Variants in ITPR2 observed in about 807,000 individuals in gnomAD.
The protein encoded by ITPR2 is inositol 1,4,5-trisphosphate receptor type 2.
A neutral mutation model predicts 317.1 loss-of-function variants in ITPR2; 207 were observed. That is an observed-to-expected ratio of 0.65 (90% CI 0.58 to 0.73). The LOEUF (loss-of-function observed/expected upper bound fraction) is 0.73, where lower values mean the gene tolerates loss of function less well. Ranked by LOEUF, ITPR2 falls within the 30% of genes least tolerant of loss-of-function variation. The pLI is 0.00. For missense variants in ITPR2, 2,613 were observed against 3,284.0 expected, an observed-to-expected ratio of 0.80 and a Z score of 4.99; for synonymous variants, 1,156 against 1,149.1, an observed-to-expected ratio of 1.01 and a Z score of -0.12.
At chr12:26,609,823 A>T (rs1460992679) in intron 26 of ITPR2, among the ~76,000 whole-genome samples, 1 of 152,220 alleles carries the variant, frequency 6.6e-6, no homozygotes, top group East Asian at 1.9e-4. Flanking sequence ...ATTATAACCA[A>T]ATAGGATAAG....
chr12:26,824,589 T>C (rs970782272), intron 1 of ITPR2, among the ~76,000 whole-genome samples: 7 of 152,334 alleles, frequency 4.6e-5, no homozygotes, highest in Admixed American at 3.3e-4. Context: ...AATGTAAATA[T>C]TGTTGATTAA....
intron 2 of ITPR2, among the ~76,000 whole-genome samples, chr12:26,742,151 A>G (rs1949241100): frequency 6.6e-6 from 1 of 152,224 alleles, no homozygotes; most frequent in African/African-American, 2.4e-5. Flanking sequence ...GGTATTTACC[A>G]AAGAGAAATG....
chr12:26,560,805 A>G (rs1337117079), intron 35 of ITPR2, among the ~76,000 whole-genome samples: 1 of 152,208 alleles, frequency 6.6e-6, no homozygotes, highest in Non-Finnish European at 1.5e-5. Context: ...CTAATCCCGT[A>G]TAACACTCAT....
chr12:26,589,853 T>C (rs11048600), intron 32 of ITPR2, among the ~76,000 whole-genome samples: 7,371 of 58,000 alleles, frequency 0.13, 999 homozygotes, highest in East Asian at 0.36. Flanking sequence ...TATATATATA[T>C]ACACACACAC....
intron 37 of ITPR2, among the ~76,000 whole-genome samples, chr12:26,541,435 A>G (rs1165373223): frequency 1.3e-5 from 2 of 152,240 alleles, no homozygotes; most frequent in Non-Finnish European, 2.9e-5. Flanking sequence ...ACATTAGAGC[A>G]CTTATATTAC....
chr12:26,725,626 G>T, intron 3 of ITPR2, 24 bp downstream of exon 3: 1 of 1,513,170 alleles, frequency 6.6e-7, no homozygotes. Context: ...GCCTAAGCCA[G>T]ACAATTGGAA....
chr12:26,539,353 C>T (rs981587057), intron 37 of ITPR2, among the ~76,000 whole-genome samples: 7 of 152,232 alleles, frequency 4.6e-5, no homozygotes, highest in African/African-American at 1.4e-4. Flanking sequence ...GTTCATGTGA[C>T]TGGACCTTGG....
chr12:26,688,178 G>A (rs1450072694), intron 10 of ITPR2, among the ~76,000 whole-genome samples: 5 of 152,026 alleles, frequency 3.3e-5, no homozygotes. Flanking sequence ...TGCGACTACA[G>A]ACGTGTGCCA....
intron 45 of ITPR2, among the ~76,000 whole-genome samples, chr12:26,455,719 A>T (rs1941865365): frequency 6.6e-6 from 1 of 152,204 alleles, no homozygotes; most frequent in Admixed American, 6.5e-5. Flanking sequence ...CATTTGGAAA[A>T]ACTTATTGTC....
intron 2 of ITPR2, among the ~76,000 whole-genome samples, chr12:26,740,291 G>T (rs1949207729): frequency 6.6e-6 from 1 of 152,160 alleles, no homozygotes; most frequent in Admixed American, 6.5e-5. Context: ...AGACTACTGA[G>T]CATTGAGATG....
In ITPR2 at chr12:26,831,672, A is replaced by ATTTATT. The variant is rs1270623294; in HGVS notation, c.92+1017_92+1018insAATAAA. ...ATTTAACCATTTGGCACACTGTTTT[A>ATTTATT]TATATAAATATATATATATATTCTA... On this transcript the variant is annotated intron_variant, in intron 1 of 56. Transcript: ENST00000381340. The surrounding 1 kb of genome is among the most constrained non-coding windows in gnomAD (Gnocchi z 4.9). Among the ~76,000 whole-genome samples, 3 of 140,622 alleles carry ATTTATT rather than the reference A, an allele frequency of 2.1e-5. No homozygotes were observed. The highest frequency in any genetic ancestry group is 4.7e-5 in the Non-Finnish European group (3 of 64,268). 92.3% of individuals were successfully genotyped at this position (140,622 alleles called of 152,430 possible). A position where few individuals can be genotyped will look rare whatever the true frequency, so the allele number is the denominator to read the frequency against.
intron 2 of ITPR2, among the ~76,000 whole-genome samples, chr12:26,753,132 G>A (rs1949455603): frequency 6.6e-6 from 1 of 152,134 alleles, no homozygotes; most frequent in South Asian, 2.1e-4. Context: ...TCCTAAGACA[G>A]AGTGGATTAG....
chr12:26,425,855 T>C (rs1941044177), intron 49 of ITPR2, among the ~76,000 whole-genome samples: 1 of 152,180 alleles, frequency 6.6e-6, no homozygotes, highest in South Asian at 2.1e-4. Flanking sequence ...AACTTGCCTC[T>C]TCTATGAAGA....
chr12:26,655,842 T>C lies in ITPR2; in HGVS notation c.2455A>G (p.Ile819Val), dbSNP rs978532953. The C allele has an allele frequency of 3.5e-5, 56 of 1,608,970 alleles. No homozygotes were observed. Among genetic ancestry groups the C allele is most frequent in the East Asian group, 4.5e-5 (2 of 44,840 alleles). Residue 819 changes from isoleucine (I) to valine (V), a missense_variant, in exon 20 of 57, where the codon ATA becomes GTA. Around this residue, in one of 9 missense-constraint regions of ITPR2, gnomAD observed 817 missense variants for 897.6 expected, o/e 0.91. Transcript: ENST00000381340. The stretch of plus-strand genomic sequence containing the variant: ...ATATCATTTCTGGAAGAGTCTGTTA[T>C]AGAATCATATCTGGAAATAGAGAAA... ...TKITIHEYDS[I>V]TDSSRNDMKR... is the part of the protein sequence containing the mutation.
At chr12:26,644,193 T>C (rs1947058421) in intron 21 of ITPR2, among the ~76,000 whole-genome samples, 1 of 152,122 alleles carries the variant, frequency 6.6e-6, no homozygotes, top group Non-Finnish European at 1.5e-5. Context: ...CCTCACATCA[T>C]GAGCTTCACT....
intron 2 of ITPR2, among the ~76,000 whole-genome samples, chr12:26,771,326 C>T (rs1165723030): frequency 1.3e-5 from 2 of 152,042 alleles, no homozygotes; most frequent in Non-Finnish European, 2.9e-5. Flanking sequence ...TTCCTTTTAC[C>T]CCCTTTCTAC....
At chr12:26,814,487 T>C (rs1225488959) in intron 1 of ITPR2, among the ~76,000 whole-genome samples, 1 of 152,214 alleles carries the variant, frequency 6.6e-6, no homozygotes, top group African/African-American at 2.4e-5. Flanking sequence ...CAGTTCTTTA[T>C]CACATCCAGG....
intron 21 of ITPR2, among the ~76,000 whole-genome samples, chr12:26,646,093 A>G (rs1947107716): frequency 1.3e-5 from 2 of 151,644 alleles, no homozygotes; most frequent in South Asian, 4.2e-4. Context: ...TCAGAAGATA[A>G]GCTTCACAGA....
intron 2 of ITPR2, among the ~76,000 whole-genome samples, chr12:26,784,785 G>A (rs543867052): frequency 0.018 from 2,548 of 142,976 alleles, 79 homozygotes; most frequent in African/African-American, 0.061. Flanking sequence ...AGTGGGGAGC[G>A]TCTCTGCCTG....
Sources: gnomAD v4.1 joint callset for allele counts (sites outside exome capture counted in the v4.1 genomes callset) on GRCh38, gnomAD v4.1.1 for gene constraint, gnomAD v4.1.1 regional missense constraint, Gnocchi (gnomAD v3.1) non-coding constraint, MANE v1.5 for transcripts, NCBI Gene and HGNC (gene_info 2026-07-23, HGNC 2026-07-21) for gene names.